Variants in FILIP1L observed in about 807,000 individuals in gnomAD.
The protein encoded by FILIP1L is filamin A-interacting protein 1-like.
Under a neutral mutation model 96.6 loss-of-function variants are expected in FILIP1L, and 55 were observed. The ratio of observed to expected loss-of-function variants is 0.57; its 90% confidence interval spans 0.46 to 0.71. The LOEUF (loss-of-function observed/expected upper bound fraction) is 0.71. Ranked by LOEUF, FILIP1L falls within the 30% of genes least tolerant of loss-of-function variation. FILIP1L has a pLI of 0.00. For synonymous variants in FILIP1L, 467 were observed against 473.9 expected (o/e 0.99, Z 0.19); for missense variants, 1,304 against 1,321.2 (o/e 0.99, Z 0.20).
At chr3:99,876,248 G>C (rs927499223) in intron 4 of FILIP1L, 29 of 984,242 alleles carry the variant, frequency 2.9e-5, no homozygotes, top group Non-Finnish European at 3.5e-5. Flanking sequence ...CCGCGTGTGC[G>C]GCGCTGTCGG....
chr3:100,042,246 A>G (rs1052983114), intron 1 of FILIP1L, among the ~76,000 whole-genome samples: 12 of 152,236 alleles, frequency 7.9e-5, no homozygotes, highest in African/African-American at 2.9e-4. Flanking sequence ...CCTCTTAAAC[A>G]AACAGAATGA....
intron 4 of FILIP1L, among the ~76,000 whole-genome samples, chr3:99,903,287 T>C (rs1706498313): frequency 6.6e-6 from 1 of 151,928 alleles, no homozygotes; most frequent in Admixed American, 6.6e-5. Context: ...AATCTCGCTC[T>C]GTCACCCAGG....
intron 1 of FILIP1L, among the ~76,000 whole-genome samples, chr3:100,092,704 C>T (rs1226538920): frequency 6.7e-6 from 1 of 148,244 alleles, no homozygotes; most frequent in Non-Finnish European, 1.5e-5. Context: ...TTTAGGTTCT[C>T]CCTTTAGAGA....
At position 99,839,423 on chromosome 3, in the gene FILIP1L, A is replaced by G. The variant is rs142870781; in HGVS notation, c.3382-8818T>C. On this transcript the variant is annotated intron_variant, in intron 5 of 5. Transcript: ENST00000477258. ...GCCTGTATCCTAATAGAAGACATTC[A>G]TGCCTGTGGTGGTTATAAGCTAATA... 6.9e-3 allele frequency among the ~76,000 whole-genome samples: 1,044 copies of G among 152,340 alleles called. 3 individuals carry two copies. Among genetic ancestry groups the G allele is most frequent in the African/African-American group, 8.9e-3 (372 of 41,580 alleles).
At position 99,930,846 on chromosome 3, in the gene FILIP1L, C is replaced by T; in HGVS notation, c.175G>A (p.Gly59Ser). The T allele has an allele frequency of 6.2e-7, 1 of 1,612,808 alleles. No homozygotes were observed. Among genetic ancestry groups the T allele is most frequent in the Non-Finnish European group, 8.5e-7 (1 of 1,179,676 alleles). ...PCPKAEKPHSGNGHQAEDLSR... is the reference protein window; with the variant it reads ...PCPKAEKPHSSNGHQAEDLSR... ...AGGTCTTCTGCTTGGTGGCCATTAC[C>T]ACTGTGTGGCTTCTCTGCCTTGGGA... is the stretch of plus-strand genomic sequence containing the variant. The change falls in exon 2 of 6, where the codon GGT (glycine) becomes AGT (serine). Residue 59 changes from glycine to serine, a missense_variant. Gly to Ser is a moderately conservative substitution (Grantham distance 56). Coordinates refer to ENST00000477258, the MANE Select transcript of FILIP1L (RefSeq NM_001387850.1).
chr3:99,929,748 G>A lies in FILIP1L; in HGVS notation c.426+108C>T, dbSNP rs149504528. 8.6e-4 allele frequency: 659 copies of A among 768,860 alleles called. 1 individual carries two copies. The African/African-American group carries it at 0.011, about 13-fold the overall frequency. The allele number at this position is 768,860 out of a possible 1,614,324, so 47.6% of individuals were successfully genotyped here. A position where few individuals can be genotyped will look rare whatever the true frequency, so the allele number is the denominator to read the frequency against. On this transcript the variant is annotated intron_variant, in intron 3 of 5. Transcript: ENST00000477258. Reference sequence around the variant, plus strand: ...TCTGTTTTGTGTAGGCTTTAAGTGCGTTAGAAAGTAAAACTGTAAGGAATC... The same window carrying A: ...TCTGTTTTGTGTAGGCTTTAAGTGCATTAGAAAGTAAAACTGTAAGGAATC...
chr3:100,014,134 G>T (rs779358696), intron 1 of FILIP1L, among the ~76,000 whole-genome samples: 22 of 151,032 alleles, frequency 1.5e-4, no homozygotes, highest in Non-Finnish European at 2.4e-4. Flanking sequence ...CATCCACATT[G>T]TTGAAAATGA....
intron 1 of FILIP1L, among the ~76,000 whole-genome samples, chr3:100,057,203 G>GAC (rs1040474758): frequency 6.6e-6 from 1 of 152,128 alleles, no homozygotes; most frequent in African/African-American, 2.4e-5. Context: ...CCCTCCAGTG[G>GAC]ACTAGGTGAC....
At position 99,849,551 on chromosome 3, in the gene FILIP1L, C is replaced by T. The variant is rs200062458; in HGVS notation, c.2125G>A (p.Glu709Lys). ...CTTGAGAGGTGCCCTGACTTAGCTT[C>T]TTCTTCTTGAAGCCTTTTGAAAAGC... ...QWLFKRLQEE[E>K]AKSGHLSREV... is the part of the protein sequence containing the mutation. Residue 709 changes from glutamate (E) to lysine (K), a missense_variant, in exon 5 of 6, where the codon GAA (glutamate) becomes AAA (lysine). Glu to Lys is a moderately conservative substitution (Grantham distance 56). Transcript: ENST00000477258. The T allele has an allele frequency of 2.5e-6, 4 of 1,613,324 alleles. No homozygotes were observed. The African/African-American group carries it at 5.3e-5, about 22-fold the overall frequency.
intron 1 of FILIP1L, among the ~76,000 whole-genome samples, chr3:100,079,012 G>T (rs1332741662): frequency 6.6e-6 from 1 of 152,222 alleles, no homozygotes; most frequent in Non-Finnish European, 1.5e-5. Context: ...GACAAGCTTG[G>T]ACTAGGTTCA....
At chr3:100,039,503 TTAGA>T (rs1160717083) in intron 1 of FILIP1L, among the ~76,000 whole-genome samples, 1 of 152,122 alleles carries the variant, frequency 6.6e-6, no homozygotes, top group Admixed American at 6.5e-5. Context: ...TTATTTCAAA[TTAGA>T]TAGTGTAAGA....
chr3:99,984,395 C>T (rs189228311), intron 1 of FILIP1L, among the ~76,000 whole-genome samples: 48 of 152,264 alleles, frequency 3.2e-4, no homozygotes, highest in African/African-American at 1.2e-3. Context: ...AATGACAGAG[C>T]AGAAACAGGA....
chr3:99,886,923 T>C (rs1705919261), intron 4 of FILIP1L, among the ~76,000 whole-genome samples: 1 of 144,920 alleles, frequency 6.9e-6, no homozygotes, highest in East Asian at 2.1e-4. Flanking sequence ...TGAGCCAAGA[T>C]CATGCAACTG....
At chr3:99,997,669 C>G (rs1559719395) in intron 1 of FILIP1L, among the ~76,000 whole-genome samples, 1 of 152,192 alleles carries the variant, frequency 6.6e-6, no homozygotes, top group Non-Finnish European at 1.5e-5. Flanking sequence ...GTGATCCTTA[C>G]TGTCACTTCC....
chr3:99,923,243 C>T (rs1707180899), intron 4 of FILIP1L, among the ~76,000 whole-genome samples: 1 of 152,146 alleles, frequency 6.6e-6, no homozygotes, highest in Admixed American at 6.5e-5. Context: ...GTCCATATCA[C>T]CAGCCCATCC....
intron 1 of FILIP1L, among the ~76,000 whole-genome samples, chr3:99,967,434 G>A (rs1429775093): frequency 2.0e-5 from 3 of 152,190 alleles, no homozygotes; most frequent in African/African-American, 7.2e-5. Context: ...TAGGCCATAA[G>A]AGCCTGAATT....
intron 1 of FILIP1L, among the ~76,000 whole-genome samples, chr3:99,983,705 A>T (rs1307961422): frequency 6.7e-6 from 1 of 149,730 alleles, no homozygotes; most frequent in Non-Finnish European, 1.5e-5. Flanking sequence ...AAAAAAAAAG[A>T]AATGAGAAGT....
rs1354830790 is a variant in FILIP1L, at chr3:99,850,157, T to C, written c.1519A>G (p.Met507Val). Residue 507 changes from methionine to valine, a missense_variant, in exon 5 of 6, where the codon ATG becomes GTG. Met to Val is a conservative substitution (Grantham distance 21, BLOSUM62 1). Transcript: ENST00000477258. ...TCAGTTTTCTTTAATTTTTCACTCA[T>C]TGTTTTCCGTTCATCTACAAACATC... ...TVMFVDERKT[M>V]SEKLKKTEDK... 8.1e-6 allele frequency: 13 copies of C among 1,610,988 alleles called. No homozygotes were observed. The highest frequency in any genetic ancestry group is 1.6e-4 in the Middle Eastern group (1 of 6,072).
At chr3:99,936,821 A>G (rs1004120625) in intron 1 of FILIP1L, among the ~76,000 whole-genome samples, 1 of 152,104 alleles carries the variant, frequency 6.6e-6, no homozygotes, top group South Asian at 2.1e-4. Context: ...AGATATACAT[A>G]GTAAAGGAAA....
Sources: gnomAD v4.1 joint callset for allele counts (sites outside exome capture counted in the v4.1 genomes callset) on GRCh38, gnomAD v4.1.1 for gene constraint, MANE v1.5 for transcripts, NCBI Gene and HGNC (gene_info 2026-07-23, HGNC 2026-07-21) for gene names.